The following CTPS2 variants were observed in gnomAD, a reference collection of about 807,000 sequenced individuals.
The protein encoded by CTPS2 is CTP synthase 2.
In CTPS2, 19 loss-of-function variants were observed where a neutral mutation model predicts 46.8. That is an observed-to-expected ratio of 0.41 (90% CI 0.28 to 0.60). The LOEUF (loss-of-function observed/expected upper bound fraction) is 0.60. Among genes scored for constraint, CTPS2 ranks in the 20% least tolerant of loss-of-function variants. The probability of loss-of-function intolerance (pLI) is 0.35; values close to 1 mark genes in which losing one functional copy is unlikely to be tolerated. For synonymous variants in CTPS2, 151 were observed against 165.2 expected, an observed-to-expected ratio of 0.91 and a Z score of 0.66; for missense variants, 286 against 447.6, an observed-to-expected ratio of 0.64 and a Z score of 3.26.
intron 16 of CTPS2, among the ~76,000 whole-genome samples, chrX:16,614,742 A>G: frequency 9.1e-6 from 1 of 109,784 alleles, no homozygotes; most frequent in Middle Eastern, 4.2e-3. Flanking sequence ...CCCTGCCGCT[A>G]CAAAAAAAAT....
intron 13 of CTPS2, among the ~76,000 whole-genome samples, chrX:16,663,978 GGC>G (rs1933064064): frequency 9.0e-6 from 1 of 110,794 alleles, no homozygotes; most frequent in Non-Finnish European, 1.9e-5. Context: ...TGGGACTACA[GGC>G]GCGTGCCACC....
intron 16 of CTPS2, among the ~76,000 whole-genome samples, chrX:16,611,458 AAAAC>A (rs1387837766): frequency 9.2e-6 from 1 of 109,071 alleles, no homozygotes; most frequent in African/African-American, 3.4e-5. Flanking sequence ...CTCAAAAACA[AAAAC>A]AAACAAACAA....
intron 13 of CTPS2, chrX:16,654,334 T>G: frequency 3.4e-5 from 24 of 706,053 alleles, no homozygotes; most frequent in Non-Finnish European, 5.0e-5. Flanking sequence ...CTCTAATTTC[T>G]GAGAATGTGT....
intron 13 of CTPS2, among the ~76,000 whole-genome samples, chrX:16,647,211 C>T (rs764033015): frequency 3.9e-5 from 4 of 103,781 alleles, no homozygotes; most frequent in Non-Finnish European, 5.8e-5. Context: ...TGCTAGCATT[C>T]GCTACAAGTA....
chrX:16,654,275 C>G, intron 13 of CTPS2: 1 of 424,662 alleles, frequency 2.4e-6, no homozygotes, highest in Non-Finnish European at 4.2e-6. Flanking sequence ...CTATTAGATG[C>G]ATGTCACTGG....
intron 4 of CTPS2, among the ~76,000 whole-genome samples, chrX:16,697,243 G>T (rs1924183180): frequency 1.8e-5 from 2 of 109,799 alleles, no homozygotes; most frequent in Admixed American, 1.0e-4. Context: ...TGGCTCAGGG[G>T]TCACTGCAGA....
At chrX:16,635,420 C>G (rs1931694040) in intron 14 of CTPS2, among the ~76,000 whole-genome samples, 1 of 112,090 alleles carries the variant, frequency 8.9e-6, no homozygotes, top group African/African-American at 3.2e-5. Context: ...TGCCTGCAAT[C>G]TCAGCACTTT....
rs745723823 is a variant in CTPS2, at chrX:16,606,081, G to A, written c.1691+3460C>T. Among the ~76,000 whole-genome samples, 7 of 112,309 alleles carry A rather than the reference G, an allele frequency of 6.2e-5. No homozygotes were observed. In the East Asian group the frequency reaches 1.4e-3, roughly 22 times the overall value. ...AAATATTCTCCGCTAGGCAGAATGC[G>A]GAGGTTACACCTCAGGTACGCTTAA... On this transcript the variant is annotated intron_variant, in intron 17 of 18. Transcript: ENST00000359276.
At chrX:16,638,624 C>T (rs1363048880) in intron 14 of CTPS2, 1 of 161,586 alleles carries the variant, frequency 6.2e-6, no homozygotes, top group African/African-American at 3.1e-5. Flanking sequence ...GTGGAAAGAT[C>T]AGCAAATATC....
At chrX:16,651,886 G>A (rs933858856) in intron 13 of CTPS2, among the ~76,000 whole-genome samples, 1 of 111,199 alleles carries the variant, frequency 9.0e-6, no homozygotes, top group African/African-American at 3.3e-5. Context: ...TGCCAAGGAT[G>A]GTAAGGCAAC....
intron 8 of CTPS2, among the ~76,000 whole-genome samples, chrX:16,685,601 G>C (rs1219585005): frequency 7.3e-5 from 8 of 109,272 alleles, no homozygotes; most frequent in Non-Finnish European, 1.3e-4. Context: ...GCTCATGCCT[G>C]TAATCCCAGC....
At chrX:16,630,296 C>T (rs1259595447) in intron 14 of CTPS2, among the ~76,000 whole-genome samples, 1 of 103,537 alleles carries the variant, frequency 9.7e-6, no homozygotes, top group African/African-American at 3.6e-5. Context: ...GCTCTGTTGC[C>T]CAGGTTGGAG....
chrX:16,601,581 G>T (rs955909447), intron 17 of CTPS2, among the ~76,000 whole-genome samples: 5 of 104,404 alleles, frequency 4.8e-5, no homozygotes, highest in South Asian at 1.0e-3. Context: ...TCGGGGGGGG[G>T]GGGGTTTAAG....
intron 13 of CTPS2, among the ~76,000 whole-genome samples, chrX:16,661,197 C>T (rs778305763): frequency 5.4e-5 from 6 of 110,988 alleles, no homozygotes; most frequent in East Asian, 2.8e-4. Flanking sequence ...TGACCTCAGG[C>T]GATCCACCGG....
chrX:16,639,876 C>A (rs1263393387), intron 13 of CTPS2, among the ~76,000 whole-genome samples: 1 of 111,253 alleles, frequency 9.0e-6, no homozygotes, highest in Non-Finnish European at 1.9e-5. Context: ...GAAGTATCAT[C>A]CAGTCTAGCA....
chrX:16,664,472 G>T (rs938514151), intron 13 of CTPS2, among the ~76,000 whole-genome samples: 14 of 111,661 alleles, frequency 1.3e-4, no homozygotes, highest in African/African-American at 4.2e-4. Context: ...ATGCTTCTAT[G>T]TGCTTCCGTG....
Position 16,678,397 on chromosome X carries a change from T to G in CTPS2, c.1059A>C (p.Lys353Asn). 1 of 1,204,653 alleles carries G rather than the reference T, an allele frequency of 8.3e-7. No individual in the cohort carries two copies. The highest frequency in any genetic ancestry group is 1.1e-6 in the Non-Finnish European group (1 of 890,480). The change falls in exon 10 of 19, where the codon AAA (lysine) becomes AAC (asparagine). Residue 353 changes from lysine (K) to asparagine (N), a missense_variant. Lys to Asn is a moderately conservative substitution (Grantham distance 94, BLOSUM62 0). Coordinates refer to ENST00000359276, the MANE Select transcript of CTPS2 (RefSeq NM_175859.3). ...ATAGCTTCTGCCAAGCTTCATGAAA[T>G]TTCACAGGGTCCTCGGTTTCAGTGA... ...EKITETEDPV[K>N]FHEAWQKLCK...
At chrX:16,660,207 TTTTC>T (rs200976083) in intron 13 of CTPS2, among the ~76,000 whole-genome samples, 6 of 105,705 alleles carry the variant, frequency 5.7e-5, no homozygotes, top group East Asian at 3.0e-4. Context: ...TCAGGAGAAT[TTTTC>T]TTTCTTTCTT....
chrX:16,632,475 G>A (rs1427137398), intron 14 of CTPS2, among the ~76,000 whole-genome samples: 1 of 107,484 alleles, frequency 9.3e-6, no homozygotes, highest in African/African-American at 3.4e-5. Flanking sequence ...AGGCTGGAGT[G>A]CAGTGGCATG....
Sources: gnomAD v4.1 joint callset for allele counts (sites outside exome capture counted in the v4.1 genomes callset) on GRCh38, gnomAD v4.1.1 for gene constraint, MANE v1.5 for transcripts, NCBI Gene and HGNC (gene_info 2026-07-23, HGNC 2026-07-21) for gene names.